SGCZ: variants seen among roughly 807,000 people sequenced by gnomAD.
The protein encoded by SGCZ is zeta-sarcoglycan.
A neutral mutation model predicts 41.3 loss-of-function variants in SGCZ; 40 were observed. The ratio of observed to expected loss-of-function variants is 0.97; its 90% CI spans 0.75 to 1.26. SGCZ has a LOEUF of 1.26. SGCZ is among the 50% of genes most tolerant of loss of function. The pLI, the probability that SGCZ is intolerant of heterozygous loss-of-function variation, is 0.00. For missense variants in SGCZ, 552 were observed against 369.8 expected (o/e 1.49, Z -4.04); for synonymous variants, 206 against 137.5 (o/e 1.50, Z -3.49).
chr8:14,131,871 T>C (rs566541407), intron 5 of SGCZ, among the ~76,000 whole-genome samples: 1 of 152,332 alleles, frequency 6.6e-6, no homozygotes, highest in East Asian at 1.9e-4. Flanking sequence ...TGACATGCTG[T>C]ACAGCTTTGT....
chr8:15,045,789 C>T (rs1291090342), intron 1 of SGCZ, among the ~76,000 whole-genome samples: 2 of 151,998 alleles, frequency 1.3e-5, no homozygotes, highest in Non-Finnish European at 2.9e-5. Context: ...GTAATCAGAG[C>T]AGTAGTCAAT....
At chr8:14,267,142 TAA>T in intron 3 of SGCZ, among the ~76,000 whole-genome samples, 1 of 152,228 alleles carries the variant, frequency 6.6e-6, no homozygotes, top group East Asian at 1.9e-4. Flanking sequence ...ACTTTCCAGA[TAA>T]GAGTTATTAT....
At chr8:14,710,710 C>G (rs6983514) in intron 1 of SGCZ, among the ~76,000 whole-genome samples, 46,600 of 151,886 alleles carry the variant, frequency 0.31, 7,664 homozygotes, top group African/African-American at 0.42. Flanking sequence ...TTTTAAAACA[C>G]TTTAAAATAA....
chr8:14,826,095 C>G (rs1041551126), intron 1 of SGCZ, among the ~76,000 whole-genome samples: 2 of 139,930 alleles, frequency 1.4e-5, no homozygotes, highest in African/African-American at 5.4e-5. Context: ...CCCCTCCCCC[C>G]ACCTATGTCC....
At chr8:14,528,938 A>G (rs916861928) in intron 2 of SGCZ, among the ~76,000 whole-genome samples, 5 of 152,048 alleles carry the variant, frequency 3.3e-5, no homozygotes, top group African/African-American at 1.2e-4. Context: ...ATCCACTGCA[A>G]TATCCTAATT....
chr8:15,111,905 A>C (rs1807078647), intron 1 of SGCZ, among the ~76,000 whole-genome samples: 2 of 151,678 alleles, frequency 1.3e-5, no homozygotes, highest in Admixed American at 6.6e-5. Context: ...TCTCCCAAAA[A>C]AAAAAAAAAA....
At chr8:14,236,804 A>G (rs1225429555) in intron 4 of SGCZ, among the ~76,000 whole-genome samples, 2 of 151,752 alleles carry the variant, frequency 1.3e-5, no homozygotes, top group East Asian at 3.9e-4. Context: ...TAAATTACAA[A>G]TTACTTCTTA....
intron 1 of SGCZ, among the ~76,000 whole-genome samples, chr8:14,865,692 T>C (rs1803908163): frequency 1.3e-5 from 2 of 152,222 alleles, no homozygotes; most frequent in African/African-American, 2.4e-5. Context: ...CAATACTTAA[T>C]CTAAGAAGTT....
chr8:14,873,681 T>C (rs951319976), intron 1 of SGCZ, among the ~76,000 whole-genome samples: 1 of 152,122 alleles, frequency 6.6e-6, no homozygotes, highest in African/African-American at 2.4e-5. Context: ...AAGATGAGAA[T>C]AGGTCAACTC....
At chr8:14,486,917 G>C (rs1045358182) in intron 2 of SGCZ, among the ~76,000 whole-genome samples, 1 of 152,126 alleles carries the variant, frequency 6.6e-6, no homozygotes, top group Non-Finnish European at 1.5e-5. Context: ...ACAGAATCCT[G>C]AACATTGGAA....
intron 4 of SGCZ, among the ~76,000 whole-genome samples, chr8:14,200,826 T>G (rs1805432338): frequency 6.6e-6 from 1 of 152,106 alleles, no homozygotes; most frequent in Non-Finnish European, 1.5e-5. Context: ...AAGCTGCTCT[T>G]TAAAACAGAC....
At chr8:14,915,317 CAT>C (rs1799399654) in intron 1 of SGCZ, among the ~76,000 whole-genome samples, 1 of 152,112 alleles carries the variant, frequency 6.6e-6, no homozygotes, top group Non-Finnish European at 1.5e-5. Context: ...AAAACCTAGT[CAT>C]ATTGATATAG....
chr8:14,503,628 C>T (rs969870951), intron 2 of SGCZ, among the ~76,000 whole-genome samples: 5 of 151,876 alleles, frequency 3.3e-5, no homozygotes, highest in Admixed American at 1.3e-4. Context: ...ATTAGCTGGG[C>T]GTGGTGGCCT....
At chr8:14,989,085 T>A (rs1444118477) in intron 1 of SGCZ, among the ~76,000 whole-genome samples, 1 of 152,116 alleles carries the variant, frequency 6.6e-6, no homozygotes, top group Non-Finnish European at 1.5e-5. Context: ...AAACACTCGA[T>A]GGGAGAAAAA....
intron 2 of SGCZ, among the ~76,000 whole-genome samples, chr8:14,384,481 ATTGG>A (rs1804496395): frequency 6.6e-6 from 1 of 152,176 alleles, no homozygotes; most frequent in African/African-American, 2.4e-5. Context: ...TTGAAAGATA[ATTGG>A]TTGTTATAGG....
intron 1 of SGCZ, among the ~76,000 whole-genome samples, chr8:15,105,689 C>G (rs1305575735): frequency 6.6e-6 from 1 of 152,128 alleles, no homozygotes; most frequent in African/African-American, 2.4e-5. Flanking sequence ...CAAACCATAT[C>G]AAGATGTTTC....
At chr8:14,430,315 T>C (rs1036496975) in intron 2 of SGCZ, among the ~76,000 whole-genome samples, 1 of 152,244 alleles carries the variant, frequency 6.6e-6, no homozygotes, top group East Asian at 1.9e-4. Context: ...TAGCTTCCTG[T>C]ATCCAACAAC....
intron 2 of SGCZ, among the ~76,000 whole-genome samples, chr8:14,427,355 A>G (rs1799816413): frequency 6.6e-6 from 1 of 152,134 alleles, no homozygotes; most frequent in South Asian, 2.1e-4. Flanking sequence ...AAATAAAACA[A>G]ACAAACAAAA....
intron 1 of SGCZ, among the ~76,000 whole-genome samples, chr8:14,994,654 G>C (rs769191310): frequency 6.6e-6 from 1 of 151,614 alleles, no homozygotes; most frequent in Non-Finnish European, 1.5e-5. Context: ...TTAGGGGCGT[G>C]TGTGTATGTG....
Sources: allele counts gnomAD v4.1 joint callset (sites outside exome capture counted in the v4.1 genomes callset), GRCh38; gene constraint gnomAD v4.1.1; transcripts MANE v1.5; gene names NCBI Gene and HGNC (gene_info 2026-07-23, HGNC 2026-07-21).